MBOAT2: variants seen among roughly 807,000 people sequenced by gnomAD.
MBOAT2 encodes membrane-bound glycerophospholipid O-acyltransferase 2.
In MBOAT2, 28 loss-of-function variants were observed where a neutral mutation model predicts 63.4. The observed-to-expected ratio is 0.44, with a 90% CI of 0.33 to 0.61. The LOEUF (loss-of-function observed/expected upper bound fraction) is 0.61. Among genes scored for constraint, MBOAT2 ranks in the 20% least tolerant of loss-of-function variants. The pLI, the probability that MBOAT2 is intolerant of heterozygous loss-of-function variation, is 0.03. For missense variants in MBOAT2, 470 were observed against 605.8 expected (o/e 0.78, Z 2.35); for synonymous variants, 211 against 215.6 (o/e 0.98, Z 0.19).
chr2:8,962,758 T>C (rs1033733621), intron 1 of MBOAT2, among the ~76,000 whole-genome samples: 3 of 151,864 alleles, frequency 2.0e-5, no homozygotes, highest in Admixed American at 1.3e-4. Context: ...AAATTTTATA[T>C]ATTGAATGGA....
chr2:8,978,313 T>C (rs1323871441), intron 1 of MBOAT2, among the ~76,000 whole-genome samples: 1 of 152,104 alleles, frequency 6.6e-6, no homozygotes, highest in East Asian at 1.9e-4. Flanking sequence ...ACAACTCAAA[T>C]AACATCTTCC....
intron 1 of MBOAT2, among the ~76,000 whole-genome samples, chr2:8,976,235 C>T (rs1394569115): frequency 1.3e-5 from 2 of 152,022 alleles, no homozygotes; most frequent in Non-Finnish European, 2.9e-5. Flanking sequence ...TTAATCAAGG[C>T]ACCACAGAGA....
intron 1 of MBOAT2, among the ~76,000 whole-genome samples, chr2:8,999,371 T>TGGGA (rs1216044957): frequency 6.6e-5 from 10 of 151,966 alleles, no homozygotes; most frequent in African/African-American, 2.4e-4. Context: ...AAGAAAGAGA[T>TGGGA]GGGAGGGAGG....
intron 5 of MBOAT2, among the ~76,000 whole-genome samples, chr2:8,886,976 C>T (rs1282482007): frequency 6.6e-6 from 1 of 152,154 alleles, no homozygotes; most frequent in African/African-American, 2.4e-5. Context: ...GCAAGAACTA[C>T]AAGACACTGT....
rs777109849 is a variant in MBOAT2, at chr2:8,888,071, G to C, written c.398C>G (p.Pro133Arg). The C allele has an allele frequency of 6.2e-7, 1 of 1,611,572 alleles. No individual in the cohort carries two copies. Among genetic ancestry groups the C allele is most frequent in the Admixed American group, 1.7e-5 (1 of 59,834 alleles). ...GATCTTCTGAGTAATGATCATCATT[G>C]GGCTGTGACAAGATAAAAAAAATTA... Reference protein sequence around the residue: ...YGQYSADFSGPMMIITQKITS... With the variant: ...YGQYSADFSGRMMIITQKITS... Residue 133 changes from proline to arginine, a missense_variant and splice_region_variant, in exon 5 of 13, where the codon CCA (proline) becomes CGA (arginine). This residue lies in a region of MBOAT2 where 376 missense variants were observed against 503.8 expected (regional missense o/e 0.75). Coordinates refer to ENST00000305997, the MANE Select transcript of MBOAT2 (RefSeq NM_138799.4).
intron 1 of MBOAT2, among the ~76,000 whole-genome samples, chr2:8,991,347 G>T (rs1558691189): frequency 6.6e-6 from 1 of 152,142 alleles, no homozygotes. Flanking sequence ...TACTGGATCT[G>T]CAAAAAGAAT....
intron 3 of MBOAT2, among the ~76,000 whole-genome samples, chr2:8,938,225 T>C (rs927536362): frequency 6.6e-6 from 1 of 152,174 alleles, no homozygotes; most frequent in Non-Finnish European, 1.5e-5. Flanking sequence ...GAAACACATA[T>C]GATGCATTTG....
intron 1 of MBOAT2, among the ~76,000 whole-genome samples, chr2:8,980,697 A>G (rs188371866): frequency 2.7e-3 from 414 of 152,262 alleles, no homozygotes; most frequent in African/African-American, 9.7e-3. Context: ...AGATGCCTAC[A>G]ATCAAAAAGA....
intron 6 of MBOAT2, among the ~76,000 whole-genome samples, chr2:8,879,396 C>G (rs1662940256): frequency 6.6e-6 from 1 of 152,186 alleles, no homozygotes; most frequent in South Asian, 2.1e-4. Flanking sequence ...ATTTTTGGCT[C>G]AACTGTCATA....
Position 8,882,496 on chromosome 2 carries a change from T to G in MBOAT2, c.506+15A>C. The G allele has an allele frequency of 1.2e-6, 2 of 1,614,018 alleles. No individual in the cohort carries two copies. The highest frequency in any genetic ancestry group is 1.7e-6 in the Non-Finnish European group (2 of 1,179,878). ...GCGCAGGAAGCATGGCAGAATAGGATGCAAAGGCACGTACCTTACAGCTAA... is the reference window on the plus strand; with the variant it reads ...GCGCAGGAAGCATGGCAGAATAGGAGGCAAAGGCACGTACCTTACAGCTAA... On this transcript the variant is annotated intron_variant, in intron 6 of 12. Coordinates refer to ENST00000305997, the MANE Select transcript of MBOAT2 (RefSeq NM_138799.4).
chr2:8,972,964 T>C (rs1670557022), intron 1 of MBOAT2, among the ~76,000 whole-genome samples: 1 of 152,216 alleles, frequency 6.6e-6, no homozygotes, highest in Non-Finnish European at 1.5e-5. Context: ...AATGTGACGA[T>C]TCCTCAAGGA....
Position 8,876,910 on chromosome 2 carries a change from T to A in MBOAT2, c.690+120A>T, listed in dbSNP as rs1662738456. On this transcript the variant is annotated intron_variant, in intron 7 of 12. Transcript: ENST00000305997. The stretch of plus-strand genomic sequence containing the variant: ...ACCAGGTGCAGTGTGAAGTTATTTA[T>A]CTTGAAAAGTATTTTTAAAGAAACA... The A allele has an allele frequency of 4.0e-6, 4 of 995,342 alleles. No individual in the cohort carries two copies. The Admixed American group carries it at 1.2e-4, about 29-fold the overall frequency. 61.7% of individuals were successfully genotyped at this position (995,342 alleles called of 1,614,324 possible).
intron 1 of MBOAT2, among the ~76,000 whole-genome samples, chr2:8,972,812 C>A (rs1670543344): frequency 6.6e-6 from 1 of 152,162 alleles, no homozygotes; most frequent in African/African-American, 2.4e-5. Flanking sequence ...ATCAAAACCA[C>A]AATGAGATAC....
intron 9 of MBOAT2, among the ~76,000 whole-genome samples, chr2:8,864,917 T>C (rs1245310340): frequency 6.6e-6 from 1 of 152,204 alleles, no homozygotes; most frequent in Non-Finnish European, 1.5e-5. Flanking sequence ...CTTATGTAAA[T>C]TACTACTCTT....
chr2:8,864,265 T>C (rs1661702699), intron 9 of MBOAT2, 31 bp from the exon 10 acceptor site: 1 of 1,388,428 alleles, frequency 7.2e-7, no homozygotes, highest in East Asian at 2.4e-5. Context: ...TTTCTTTGTG[T>C]CACAAAATAA....
At chr2:8,897,175 CTCTT>C (rs1234614088) in intron 4 of MBOAT2, among the ~76,000 whole-genome samples, 1 of 150,396 alleles carries the variant, frequency 6.6e-6, no homozygotes, top group Non-Finnish European at 1.5e-5. Flanking sequence ...CTTTCTGTGT[CTCTT>C]TCTCTCTTTT....
At chr2:8,897,637 CACTA>C (rs918221576) in intron 4 of MBOAT2, among the ~76,000 whole-genome samples, 58 of 151,600 alleles carry the variant, frequency 3.8e-4, no homozygotes, top group African/African-American at 1.4e-3. Context: ...ATGGTTACAT[CACTA>C]ACTATGGCAT....
At position 8,951,207 on chromosome 2, in the gene MBOAT2, C is replaced by CTT. The variant is rs538984583; in HGVS notation, c.221+7288_221+7289dup. On this transcript the variant is annotated intron_variant, in intron 2 of 12. Transcript: ENST00000305997. ...ACTTTCAGTAGAATACTGGTACCAG[C>CTT]TTTTTTTTTTTTTTTGAGACAGAGT... Among the ~76,000 whole-genome samples, 26 of 138,650 alleles carry CTT rather than the reference C, an allele frequency of 1.9e-4. No homozygotes were observed. In the South Asian group the frequency reaches 3.7e-3, roughly 20 times the overall value. The allele number at this position is 138,650 out of a possible 152,430, so 91.0% of individuals were successfully genotyped here. A position where few individuals can be genotyped will look rare whatever the true frequency, so the allele number is the denominator to read the frequency against.
chr2:8,948,106 A>G (rs922643239), intron 2 of MBOAT2, among the ~76,000 whole-genome samples: 1 of 152,204 alleles, frequency 6.6e-6, no homozygotes, highest in East Asian at 1.9e-4. Flanking sequence ...CTCATGGATG[A>G]CATTGAGGGG....
Sources: allele counts gnomAD v4.1 joint callset (sites outside exome capture counted in the v4.1 genomes callset), GRCh38; gene constraint gnomAD v4.1.1; regional missense constraint gnomAD v4.1.1; transcripts MANE v1.5; gene names NCBI Gene and HGNC (gene_info 2026-07-23, HGNC 2026-07-21).